The following APP variants were observed in gnomAD, a reference collection of about 807,000 sequenced individuals.
APP encodes the protein amyloid beta precursor protein, also known as amyloid-beta precursor protein.
APP carries 31 observed loss-of-function variants against 101.4 expected under a neutral mutation model. The observed-to-expected ratio is 0.31, with a 90% CI of 0.23 to 0.41. APP has a LOEUF of 0.41. Ranked by LOEUF, APP falls within the 10% of genes least tolerant of loss-of-function variation. APP has a pLI of 1.00. For synonymous variants in APP, 366 were observed against 364.4 expected, an observed-to-expected ratio of 1.00 and a Z score of -0.05; for missense variants, 839 against 1,003.7, an observed-to-expected ratio of 0.84 and a Z score of 2.22.
intron 4 of APP, among the ~76,000 whole-genome samples, chr21:26,052,362 A>G (rs1005502878): frequency 2.0e-5 from 3 of 152,242 alleles, no homozygotes; most frequent in African/African-American, 4.8e-5. Context: ...GTCTCCAGAC[A>G]TGTTCCGGTG....
intron 13 of APP, among the ~76,000 whole-genome samples, chr21:25,925,544 A>G (rs144659748): frequency 6.6e-6 from 1 of 152,190 alleles, no homozygotes; most frequent in Admixed American, 6.5e-5. Flanking sequence ...GCATGTTACC[A>G]TCTGAGAAGA....
chr21:26,058,863 C>A (rs1426872178), intron 3 of APP, among the ~76,000 whole-genome samples: 4 of 152,114 alleles, frequency 2.6e-5, no homozygotes, highest in Non-Finnish European at 5.9e-5. Context: ...GGGCGGATCA[C>A]AAGGTCAGGA....
At chr21:25,929,858 G>A (rs2040066236) in intron 13 of APP, among the ~76,000 whole-genome samples, 1 of 152,140 alleles carries the variant, frequency 6.6e-6, no homozygotes, top group East Asian at 1.9e-4. Flanking sequence ...CTTCAGTGCT[G>A]GTTTTGGGGT....
At chr21:26,130,769 T>A (rs2062778136) in intron 1 of APP, among the ~76,000 whole-genome samples, 1 of 152,208 alleles carries the variant, frequency 6.6e-6, no homozygotes, top group Non-Finnish European at 1.5e-5. Context: ...AGACTTGACT[T>A]CTATTTAGCA....
At chr21:25,929,284 G>GT (rs916217519) in intron 13 of APP, among the ~76,000 whole-genome samples, 3 of 151,870 alleles carry the variant, frequency 2.0e-5, no homozygotes, top group Non-Finnish European at 4.4e-5. Flanking sequence ...AAAATATAAT[G>GT]TTTTTACTAA....
At chr21:26,062,039 G>A (rs1391392513) in intron 3 of APP, among the ~76,000 whole-genome samples, 3 of 151,916 alleles carry the variant, frequency 2.0e-5, no homozygotes, top group Non-Finnish European at 2.9e-5. Context: ...GTGACACTCC[G>A]TCTCTACTAA....
Position 26,112,136 on chromosome 21 carries a change from T to C in APP, c.68A>G (p.Asp23Gly). Residue 23 changes from aspartate to glycine, a missense_variant, in exon 2 of 18, where the codon GAT (aspartate) becomes GGT (glycine). Transcript: ENST00000346798. ...WTARALEVPT[D>G]GNAGLLAEPQ... Reference sequence around the variant, plus strand: ...TTCAGCCAGCAGGCCAGCATTACCATCAGTGGGTACCTGAAAGAAGAAGCT... The same window carrying C: ...TTCAGCCAGCAGGCCAGCATTACCACCAGTGGGTACCTGAAAGAAGAAGCT... 6.2e-7 allele frequency: 1 copy of C among 1,613,948 alleles called. No individual in the cohort carries two copies. Among genetic ancestry groups the C allele is most frequent in the Non-Finnish European group, 8.5e-7 (1 of 1,179,960 alleles).
chr21:26,169,902 T>G (rs1163558260), intron 1 of APP, among the ~76,000 whole-genome samples: 1 of 152,186 alleles, frequency 6.6e-6, no homozygotes, highest in Non-Finnish European at 1.5e-5. Flanking sequence ...GACGCGGACA[T>G]GCACAAAGTT....
At chr21:26,161,129 G>A (rs773372303) in intron 1 of APP, among the ~76,000 whole-genome samples, 15 of 152,162 alleles carry the variant, frequency 9.9e-5, no homozygotes, top group Non-Finnish European at 1.9e-4. Flanking sequence ...CATACAAAAT[G>A]TAAGGCATTA....
chr21:26,021,767 G>A (rs1256705725), intron 6 of APP, 73 bp downstream of exon 6: 33 of 1,576,386 alleles, frequency 2.1e-5, no homozygotes, highest in Non-Finnish European at 2.8e-5. Flanking sequence ...GTGCTAGGGT[G>A]GATATTTCCA....
At chr21:25,980,060 T>C (rs1294312131) in intron 9 of APP, among the ~76,000 whole-genome samples, 1 of 152,158 alleles carries the variant, frequency 6.6e-6, no homozygotes, top group Non-Finnish European at 1.5e-5. Context: ...GGGAGGGCAT[T>C]TCCAGAAGAA....
chr21:26,132,456 A>G (rs1255975324), intron 1 of APP, among the ~76,000 whole-genome samples: 1 of 152,192 alleles, frequency 6.6e-6, no homozygotes, highest in Non-Finnish European at 1.5e-5. Flanking sequence ...ACTGAATTAG[A>G]CTTTTAATAT....
At chr21:26,136,954 G>A (rs1157932161) in intron 1 of APP, among the ~76,000 whole-genome samples, 1 of 151,962 alleles carries the variant, frequency 6.6e-6, no homozygotes, top group Non-Finnish European at 1.5e-5. Flanking sequence ...GTGCAGTGGC[G>A]CGATCTCTGC....
chr21:26,068,956 C>T (rs931381952), intron 3 of APP, among the ~76,000 whole-genome samples: 4 of 152,098 alleles, frequency 2.6e-5, no homozygotes, highest in African/African-American at 9.7e-5. Flanking sequence ...AATCAAGTGC[C>T]CAACTGATTA....
At chr21:25,965,445 C>G (rs1025097045) in intron 11 of APP, among the ~76,000 whole-genome samples, 2 of 152,186 alleles carry the variant, frequency 1.3e-5, no homozygotes, top group African/African-American at 4.8e-5. Context: ...ACTGGTTAGC[C>G]TATTCAAAGA....
intron 13 of APP, among the ~76,000 whole-genome samples, chr21:25,953,454 C>T (rs2041181721): frequency 6.6e-6 from 1 of 152,182 alleles, no homozygotes; most frequent in African/African-American, 2.4e-5. Flanking sequence ...TCAGGCACTT[C>T]AAAGTCGGAC....
At chr21:25,941,001 C>T (rs992084803) in intron 13 of APP, among the ~76,000 whole-genome samples, 1 of 152,138 alleles carries the variant, frequency 6.6e-6, no homozygotes, top group African/African-American at 2.4e-5. Flanking sequence ...TGAAATATTC[C>T]CTGGGCATGG....
intron 13 of APP, among the ~76,000 whole-genome samples, chr21:25,918,186 C>G (rs1486118987): frequency 6.6e-6 from 1 of 152,132 alleles, no homozygotes; most frequent in Non-Finnish European, 1.5e-5. Context: ...GGGAATATAC[C>G]CAAAGGATTA....
At chr21:25,952,112 C>G (rs1372996623) in intron 13 of APP, among the ~76,000 whole-genome samples, 1 of 151,174 alleles carries the variant, frequency 6.6e-6, no homozygotes, top group Non-Finnish European at 1.5e-5. Context: ...AATGTGGCAT[C>G]TGGTATATTT....
Sources: gnomAD v4.1 joint callset for allele counts (sites outside exome capture counted in the v4.1 genomes callset) on GRCh38, gnomAD v4.1.1 for gene constraint, MANE v1.5 for transcripts, NCBI Gene and HGNC (gene_info 2026-07-23, HGNC 2026-07-21) for gene names.